Variants in P3H2 observed in about 807,000 individuals in gnomAD.
The protein encoded by P3H2 is leprecan-like 1.
Under a neutral mutation model 87.0 loss-of-function variants are expected in P3H2, and 80 were observed. The ratio of observed to expected loss-of-function variants is 0.92; its 90% CI spans 0.77 to 1.11. The LOEUF is 1.11. P3H2 is among the 50% of genes least tolerant of loss of function. The pLI, the probability that P3H2 is intolerant of heterozygous loss-of-function variation, is 0.00. For synonymous variants in P3H2, 367 were observed against 359.3 expected, an observed-to-expected ratio of 1.02 and a Z score of -0.24; for missense variants, 1,001 against 923.9, an observed-to-expected ratio of 1.08 and a Z score of -1.08.
chr3:189,969,303 G>T, intron 13 of P3H2: 1 of 916,422 alleles, frequency 1.1e-6, no homozygotes, highest in Non-Finnish European at 1.8e-6. Flanking sequence ...CCACCCCCCA[G>T]GTGCAGAACA....
intron 3 of P3H2, among the ~76,000 whole-genome samples, chr3:189,993,099 G>T (rs144311867): frequency 0.021 from 3,210 of 152,182 alleles, 87 homozygotes; most frequent in African/African-American, 0.065. Context: ...GAGGTGGGCG[G>T]ATTACCTGAG....
At position 189,995,457 on chromosome 3, in the gene P3H2, A is replaced by G. The variant is rs770166850; in HGVS notation, c.481-15T>C. The stretch of plus-strand genomic sequence containing the variant: ...AGCTGGTTAAGCTAAAGAGAAAAAA[A>G]AATGACCAAAATGAAGGCAAATATT... On this transcript the variant is annotated splice_polypyrimidine_tract_variant and intron_variant, in intron 1 of 14. Transcript: ENST00000319332. 1 of 1,611,516 alleles carries G rather than the reference A, an allele frequency of 6.2e-7. No individual in the cohort carries two copies. Among genetic ancestry groups the G allele is most frequent in the East Asian group, 2.2e-5 (1 of 44,872 alleles).
chr3:190,091,792 C>T (rs755886980), intron 1 of P3H2, among the ~76,000 whole-genome samples: 1 of 152,088 alleles, frequency 6.6e-6, no homozygotes, highest in Non-Finnish European at 1.5e-5. Flanking sequence ...TTGACATTCT[C>T]TGTGAAGTAG....
chr3:189,964,917 T>C (rs1268051856), intron 13 of P3H2, among the ~76,000 whole-genome samples: 1 of 152,244 alleles, frequency 6.6e-6, no homozygotes, highest in Admixed American at 6.5e-5. Flanking sequence ...CCTCTTCAAA[T>C]TGAATGAGCT....
chr3:190,118,864 G>A (rs982439719), intron 1 of P3H2, among the ~76,000 whole-genome samples: 1 of 151,140 alleles, frequency 6.6e-6, no homozygotes, highest in African/African-American at 2.4e-5. Context: ...AGGCGGAGAC[G>A]GACGGGTCAC....
chr3:190,107,715 T>G (rs1711901593), intron 1 of P3H2, among the ~76,000 whole-genome samples: 1 of 152,222 alleles, frequency 6.6e-6, no homozygotes, highest in African/African-American at 2.4e-5. Flanking sequence ...CATTTAGCTT[T>G]GGGTAATGGA....
At chr3:190,064,211 G>A (rs1726424329) in intron 1 of P3H2, among the ~76,000 whole-genome samples, 1 of 150,806 alleles carries the variant, frequency 6.6e-6, no homozygotes, top group Non-Finnish European at 1.5e-5. Context: ...TGCCCAGGGT[G>A]AACTCCTGTT....
intron 1 of P3H2, among the ~76,000 whole-genome samples, chr3:190,040,194 GAAC>G (rs1725565151): frequency 6.6e-6 from 1 of 152,188 alleles, no homozygotes. Context: ...ATCAGTTACA[GAAC>G]AACTGCACAT....
intron 1 of P3H2, among the ~76,000 whole-genome samples, chr3:190,060,771 TA>T (rs752289537): frequency 1.3e-5 from 2 of 152,222 alleles, no homozygotes; most frequent in East Asian, 3.9e-4. Flanking sequence ...CTTCTGAGAA[TA>T]AAAAATTGAT....
At chr3:190,022,810 A>C in intron 1 of P3H2, among the ~76,000 whole-genome samples, 1 of 152,066 alleles carries the variant, frequency 6.6e-6, no homozygotes, top group East Asian at 1.9e-4. Context: ...AGTCCAATAC[A>C]GGGCAAAAAA....
intron 1 of P3H2, among the ~76,000 whole-genome samples, chr3:190,033,320 A>C (rs1725316706): frequency 6.6e-6 from 1 of 152,164 alleles, no homozygotes; most frequent in South Asian, 2.1e-4. Flanking sequence ...TGAATTAGTA[A>C]TATTGTGGTG....
At chr3:190,098,186 A>T (rs1284560381) in intron 1 of P3H2, among the ~76,000 whole-genome samples, 1 of 152,240 alleles carries the variant, frequency 6.6e-6, no homozygotes, top group East Asian at 1.9e-4. Flanking sequence ...GAACATTTCA[A>T]AATACTTTCC....
chr3:189,972,909 G>C lies in P3H2; in HGVS notation c.1664C>G (p.Ser555Cys). 1.9e-6 allele frequency: 3 copies of C among 1,613,816 alleles called. No individual in the cohort carries two copies. The South Asian group carries it at 3.3e-5, about 18-fold the overall frequency. Residue 555 changes from serine (S) to cysteine (C), a missense_variant, in exon 11 of 15, where the codon TCC becomes TGC. Transcript: ENST00000319332. Reference sequence around the variant, plus strand: ...TGTTCGGCAGACCATGTGTGTATAGGAAAAATACAGAGTTGAGTTCAGCAT... The same window carrying C: ...TGTTCGGCAGACCATGTGTGTATAGCAAAAATACAGAGTTGAGTTCAGCAT... ...YFMLNSTLYFSYTHMVCRTAL... is the reference protein window; with the variant it reads ...YFMLNSTLYFCYTHMVCRTAL...
intron 1 of P3H2, among the ~76,000 whole-genome samples, chr3:190,079,460 G>A (rs1726976890): frequency 6.6e-6 from 1 of 152,132 alleles, no homozygotes; most frequent in South Asian, 2.1e-4. Flanking sequence ...GTTAGTATAT[G>A]TAAGCACAGA....
chr3:190,054,379 G>A (rs537749445), intron 1 of P3H2, among the ~76,000 whole-genome samples: 3 of 152,116 alleles, frequency 2.0e-5, no homozygotes, highest in Non-Finnish European at 2.9e-5. Flanking sequence ...GAGAGCCGAC[G>A]TCAGTAGTGA....
chr3:189,964,937 G>T (rs1352731992), intron 13 of P3H2, among the ~76,000 whole-genome samples: 1 of 152,210 alleles, frequency 6.6e-6, no homozygotes, highest in Non-Finnish European at 1.5e-5. Flanking sequence ...TTAAGCAACT[G>T]AATATTAGAG....
intron 13 of P3H2, among the ~76,000 whole-genome samples, chr3:189,964,961 G>A (rs1183957029): frequency 1.3e-5 from 2 of 152,222 alleles, no homozygotes; most frequent in Admixed American, 1.3e-4. Context: ...TTGCTTCTGT[G>A]TTTAAAGAAG....
intron 1 of P3H2, among the ~76,000 whole-genome samples, chr3:190,081,944 CATGGTTAAAACA>C (rs1727057202): frequency 6.6e-6 from 1 of 152,128 alleles, no homozygotes; most frequent in Non-Finnish European, 1.5e-5. Context: ...ACATGCTAAA[CATGGTTAAAACA>C]ATGGCCTTAG....
chr3:190,075,538 C>A lies in P3H2; in HGVS notation c.480+44714G>T, dbSNP rs140126958. Among the ~76,000 whole-genome samples, 152 of 151,002 alleles carry A rather than the reference C, an allele frequency of 1.0e-3. 4 individuals are homozygous for A. The East Asian group carries it at 0.027, about 27-fold the overall frequency. Reference sequence around the variant, plus strand: ...AAGAAAAGCAAAAAGAAAAAGTGCACCAAGACAGATACACATAAAATCTCA... The same window carrying A: ...AAGAAAAGCAAAAAGAAAAAGTGCAACAAGACAGATACACATAAAATCTCA... On this transcript the variant is annotated intron_variant, in intron 1 of 14. Transcript: ENST00000319332.
Sources: gnomAD v4.1 joint callset for allele counts (sites outside exome capture counted in the v4.1 genomes callset) on GRCh38, gnomAD v4.1.1 for gene constraint, MANE v1.5 for transcripts, NCBI Gene and HGNC (gene_info 2026-07-23, HGNC 2026-07-21) for gene names.